PGR: variants seen among roughly 807,000 people sequenced by gnomAD.
PGR encodes the protein nuclear receptor subfamily 3 group C member 3.
PGR carries 25 observed loss-of-function variants against 76.1 expected under a neutral mutation model. The observed-to-expected ratio is 0.33, with a 90% CI of 0.24 to 0.46. PGR has a LOEUF of 0.46. Ranked by LOEUF, PGR falls within the 20% of genes least tolerant of loss-of-function variation. PGR has a pLI of 1.00. For synonymous variants in PGR, 579 were observed against 535.0 expected, an observed-to-expected ratio of 1.08 and a Z score of -1.14; for missense variants, 1,172 against 1,225.3, an observed-to-expected ratio of 0.96 and a Z score of 0.65.
intron 3 of PGR, among the ~76,000 whole-genome samples, chr11:101,065,702 G>A (rs750679780): frequency 7.2e-5 from 11 of 152,102 alleles, no homozygotes; most frequent in Non-Finnish European, 1.3e-4. Context: ...TCCCCTGCCC[G>A]CTGCATTGAC....
chr11:101,108,456 C>T (rs1023809381), intron 2 of PGR, among the ~76,000 whole-genome samples: 1 of 152,156 alleles, frequency 6.6e-6, no homozygotes, highest in East Asian at 1.9e-4. Context: ...CATGCCACTG[C>T]ACTCCAGCCT....
intron 4 of PGR, among the ~76,000 whole-genome samples, chr11:101,056,474 A>G (rs1205102814): frequency 6.6e-6 from 1 of 151,902 alleles, no homozygotes; most frequent in Non-Finnish European, 1.5e-5. Flanking sequence ...AACCAATTTA[A>G]AAAGCTTGTC....
intron 2 of PGR, among the ~76,000 whole-genome samples, chr11:101,103,897 C>T (rs1456555668): frequency 6.6e-6 from 1 of 152,080 alleles, no homozygotes. Flanking sequence ...CGTGTTCTAC[C>T]ACCTATTATT....
intron 2 of PGR, among the ~76,000 whole-genome samples, chr11:101,099,565 A>C (rs572286733): frequency 6.6e-6 from 1 of 152,292 alleles, no homozygotes; most frequent in African/African-American, 2.4e-5. Flanking sequence ...TCTTTTAAAA[A>C]CTGGCTCCAG....
Position 101,037,069 on chromosome 11 carries a change from A to T in PGR, c.*2047T>A. 1 of 191,648 alleles carries T rather than the reference A, an allele frequency of 5.2e-6. No individual in the cohort carries two copies. The highest frequency in any genetic ancestry group is 1.1e-5 in the Non-Finnish European group (1 of 91,414). 11.9% of individuals were successfully genotyped at this position (191,648 alleles called of 1,614,324 possible). A position where few individuals can be genotyped will look rare whatever the true frequency, so the allele number is the denominator to read the frequency against. On this transcript the variant is annotated 3_prime_UTR_variant, in exon 8 of 8. Coordinates refer to ENST00000325455, the MANE Select transcript of PGR (RefSeq NM_000926.4). The stretch of plus-strand genomic sequence containing the variant: ...CAGAGGTAGATTTCCTGTAACTATT[A>T]TATTTGGGAGATGTTAAAAATACTT...
rs552172995 is a variant in PGR at position 101,116,426 on chromosome 11, G to T, written c.1789+9581C>A. ...GGCACCAAGTTGGTGTGTAATTGCA[G>T]CCCCTTCAGTAAATACTTGCTTAAA... On this transcript the variant is annotated intron_variant, in intron 2 of 7. Transcript: ENST00000325455. 9.2e-5 allele frequency among the ~76,000 whole-genome samples: 14 copies of T among 152,272 alleles called. No homozygotes were observed. In the East Asian group the frequency reaches 2.7e-3, roughly 29 times the overall value.
chr11:101,113,682 A>G (rs571923), intron 2 of PGR, among the ~76,000 whole-genome samples: 17,774 of 152,142 alleles, frequency 0.12, 1,333 homozygotes, highest in Non-Finnish European at 0.16. Context: ...AAATTTACTT[A>G]AGGGTTGGGA....
At chr11:101,070,912 G>T (rs919933137) in intron 3 of PGR, among the ~76,000 whole-genome samples, 1 of 152,196 alleles carries the variant, frequency 6.6e-6, no homozygotes, top group Admixed American at 6.5e-5. Flanking sequence ...AGACTTAAAC[G>T]TTCCTGCCTG....
intron 4 of PGR, among the ~76,000 whole-genome samples, chr11:101,056,846 T>C (rs945158467): frequency 1.3e-5 from 2 of 152,190 alleles, no homozygotes. Context: ...CAAGTATCAA[T>C]GTTGAGAAGC....
At position 101,091,827 on chromosome 11, in the gene PGR, T is replaced by A; in HGVS notation, c.1839A>T (p.Lys613Asn). 1 of 1,612,542 alleles carries A rather than the reference T, an allele frequency of 6.2e-7. No individual in the cohort carries two copies. The highest frequency in any genetic ancestry group is 8.5e-7 in the Non-Finnish European group (1 of 1,178,616). ...CAGRNDCIVD[K>N]IRRKNCPACR... is the part of the protein sequence containing the mutation. Reference sequence around the variant, plus strand: ...ATGCTGGGCAGTTTTTTCTGCGGATTTTATCAACGATGCAGTCATTTCTTC... The same window carrying A: ...ATGCTGGGCAGTTTTTTCTGCGGATATTATCAACGATGCAGTCATTTCTTC... The change falls in exon 3 of 8, where the codon AAA becomes AAT. Residue 613 changes from lysine (K) to asparagine (N), a missense_variant. Around this residue, in one of 4 missense-constraint regions of PGR, gnomAD observed 40 missense variants for 82.7 expected, o/e 0.48. Coordinates refer to ENST00000325455, the MANE Select transcript of PGR (RefSeq NM_000926.4).
chr11:101,108,968 A>G (rs1416359004), intron 2 of PGR, among the ~76,000 whole-genome samples: 1 of 152,144 alleles, frequency 6.6e-6, no homozygotes, highest in African/African-American at 2.4e-5. Flanking sequence ...AATATTTCAA[A>G]CTTTTTCATT....
chr11:101,073,700 C>T (rs1373654480), intron 3 of PGR, among the ~76,000 whole-genome samples: 3 of 152,116 alleles, frequency 2.0e-5, no homozygotes, highest in Admixed American at 6.5e-5. Flanking sequence ...ATACTATAAA[C>T]ACCTCTATGA....
intron 6 of PGR, among the ~76,000 whole-genome samples, chr11:101,043,038 C>T (rs1179288352): frequency 1.3e-5 from 2 of 152,078 alleles, no homozygotes; most frequent in African/African-American, 2.4e-5. Flanking sequence ...CAAAATAAGG[C>T]AACAATGAAG....
chr11:101,101,933 G>A (rs1027552089), intron 2 of PGR, among the ~76,000 whole-genome samples: 6 of 152,098 alleles, frequency 3.9e-5, no homozygotes, highest in African/African-American at 1.4e-4. Context: ...AGCACATAAG[G>A]GGGTCATGAG....
chr11:101,108,078 AC>A (rs1203087736), intron 2 of PGR, among the ~76,000 whole-genome samples: 1 of 151,498 alleles, frequency 6.6e-6, no homozygotes, highest in Non-Finnish European at 1.5e-5. Flanking sequence ...ACACAGTGAA[AC>A]CCTGTCTCTA....
chr11:101,114,927 C>T (rs571257118), intron 2 of PGR, among the ~76,000 whole-genome samples: 1 of 152,162 alleles, frequency 6.6e-6, no homozygotes, highest in Non-Finnish European at 1.5e-5. Context: ...GCTTCTCACT[C>T]TTTACTCAAT....
chr11:101,068,394 C>T (rs1279564361), intron 3 of PGR, among the ~76,000 whole-genome samples: 1 of 152,076 alleles, frequency 6.6e-6, no homozygotes, highest in Non-Finnish European at 1.5e-5. Context: ...AAAAACATTC[C>T]ATATTCATAG....
intron 3 of PGR, among the ~76,000 whole-genome samples, chr11:101,069,958 C>G (rs1860863167): frequency 6.6e-6 from 1 of 150,818 alleles, no homozygotes; most frequent in South Asian, 2.1e-4. Flanking sequence ...ATCTATGTAA[C>G]AAACCTGCAT....
rs1249005460 is a variant in PGR, at chr11:101,031,875, G to A, written c.*7241C>T. The A allele has an allele frequency of 8.7e-6, 2 of 229,586 alleles. No homozygotes were observed. Among genetic ancestry groups the A allele is most frequent in the Non-Finnish European group, 1.7e-5 (2 of 115,852 alleles). The allele number at this position is 229,586 out of a possible 1,614,324, so 14.2% of individuals were successfully genotyped here. ...TCTATACAAAGAATGTGTTTATTTT[G>A]TATGGGTTCAGCACAACTCAGTTCC... On this transcript the variant is annotated 3_prime_UTR_variant, in exon 8 of 8. Transcript: ENST00000325455.
Sources: allele counts gnomAD v4.1 joint callset (sites outside exome capture counted in the v4.1 genomes callset), GRCh38; gene constraint gnomAD v4.1.1; regional missense constraint gnomAD v4.1.1; transcripts MANE v1.5; gene names NCBI Gene and HGNC (gene_info 2026-07-23, HGNC 2026-07-21).